PGM1: variants seen among roughly 807,000 people sequenced by gnomAD.
PGM1 encodes phosphoglucomutase-1.
A neutral mutation model predicts 55.6 loss-of-function variants in PGM1; 52 were observed. That is an observed-to-expected ratio of 0.94 (90% CI 0.75 to 1.18). The LOEUF is 1.18. Ranked by LOEUF, PGM1 falls within the 50% of genes most tolerant of loss-of-function variation. The pLI, the probability that PGM1 is intolerant of heterozygous loss-of-function variation, is 0.00. For missense variants in PGM1, 724 were observed against 729.3 expected (o/e 0.99, Z 0.08); for synonymous variants, 287 against 271.7 (o/e 1.06, Z -0.55).
chr1:63,626,179 A>G (rs1158266098), intron 1 of PGM1, among the ~76,000 whole-genome samples: 1 of 152,126 alleles, frequency 6.6e-6, no homozygotes, highest in South Asian at 2.1e-4. Context: ...TGAGGGGGTT[A>G]TCTCTAACTT....
chr1:63,593,452 A>T lies in PGM1; in HGVS notation c.-37A>T. On this transcript the variant is annotated 5_prime_UTR_variant, in exon 1 of 11. It adds an upstream start codon to the 5' untranslated region. Transcript: ENST00000371084. Reference sequence around the variant, plus strand: ...CAGCCGGCCGCCCCTCCGCCAGCCAAGTCCGCCGCTCTGACCCCCGGCAGC... The same window carrying T: ...CAGCCGGCCGCCCCTCCGCCAGCCATGTCCGCCGCTCTGACCCCCGGCAGC... The T allele has an allele frequency of 6.2e-7, 1 of 1,612,386 alleles. No individual in the cohort carries two copies. The highest frequency in any genetic ancestry group is 8.5e-7 in the Non-Finnish European group (1 of 1,179,544).
intron 1 of PGM1, among the ~76,000 whole-genome samples, chr1:63,609,708 G>A (rs1344849134): frequency 6.6e-6 from 1 of 152,124 alleles, no homozygotes; most frequent in Non-Finnish European, 1.5e-5. Context: ...TCCACCACGC[G>A]GTCCCGAGGG....
At chr1:63,638,496 A>G (rs1435810599) in intron 6 of PGM1, among the ~76,000 whole-genome samples, 189 bp from the exon 7 acceptor site, 1 of 135,792 alleles carries the variant, frequency 7.4e-6, no homozygotes, top group African/African-American at 2.5e-5. Flanking sequence ...GCCTTCTCTG[A>G]ATCCACATAT....
intron 1 of PGM1, among the ~76,000 whole-genome samples, chr1:63,624,792 G>A (rs569162622): frequency 5.9e-5 from 9 of 152,310 alleles, no homozygotes; most frequent in Admixed American, 2.6e-4. Flanking sequence ...TATGTTTGCA[G>A]AAGCAAAATT....
At chr1:63,608,945 A>G (rs1648495792) in intron 1 of PGM1, among the ~76,000 whole-genome samples, 1 of 152,232 alleles carries the variant, frequency 6.6e-6, no homozygotes, top group Non-Finnish European at 1.5e-5. Context: ...AGGGCCTGAC[A>G]TTGTAACTGG....
intron 7 of PGM1, among the ~76,000 whole-genome samples, chr1:63,647,182 G>A (rs944467919): frequency 3.7e-4 from 55 of 149,896 alleles, no homozygotes; most frequent in African/African-American, 1.3e-3. Flanking sequence ...GGCAGAGGTT[G>A]CAGTGAGCCA....
At chr1:63,640,457 C>T (rs1338320996) in intron 7 of PGM1, among the ~76,000 whole-genome samples, 3 of 152,114 alleles carry the variant, frequency 2.0e-5, no homozygotes, top group Non-Finnish European at 4.4e-5. Flanking sequence ...CATAAAGAAT[C>T]CTGTTAGTAC....
At chr1:63,641,981 G>A (rs886294740) in intron 7 of PGM1, among the ~76,000 whole-genome samples, 2 of 152,132 alleles carry the variant, frequency 1.3e-5, no homozygotes, top group African/African-American at 2.4e-5. Context: ...GAACCATAGT[G>A]ACTGGTCACT....
chr1:63,648,740 G>A (rs996076450), intron 8 of PGM1, 88 bp downstream of exon 8: 4 of 1,417,554 alleles, frequency 2.8e-6, no homozygotes, highest in South Asian at 2.3e-5. Context: ...CCTGTCTTAA[G>A]TGCTAATAAA....
At chr1:63,656,772 A>T (rs981462042) in intron 10 of PGM1, among the ~76,000 whole-genome samples, 2 of 152,176 alleles carry the variant, frequency 1.3e-5, no homozygotes, top group African/African-American at 4.8e-5. Flanking sequence ...TGTGGGATCT[A>T]AAAAAAGTGA....
chr1:63,652,759 G>A (rs1002182701), intron 9 of PGM1, among the ~76,000 whole-genome samples: 1 of 152,202 alleles, frequency 6.6e-6, no homozygotes, highest in Admixed American at 6.5e-5. Context: ...TTCCCTCTGG[G>A]GAGCAGGCAG....
intron 7 of PGM1, among the ~76,000 whole-genome samples, chr1:63,643,671 A>G (rs1649575636): frequency 6.6e-6 from 1 of 152,218 alleles, no homozygotes; most frequent in African/African-American, 2.4e-5. Context: ...CAGCCAGTCA[A>G]CTGGGGCCCG....
At chr1:63,612,470 A>G (rs1006826434) in intron 1 of PGM1, among the ~76,000 whole-genome samples, 2 of 152,174 alleles carry the variant, frequency 1.3e-5, no homozygotes, top group Non-Finnish European at 2.9e-5. Flanking sequence ...ATTTTGACAT[A>G]CAGTGTGGTT....
intron 1 of PGM1, among the ~76,000 whole-genome samples, chr1:63,627,781 A>G (rs1047835205): frequency 1.4e-4 from 21 of 152,258 alleles, no homozygotes; most frequent in Admixed American, 1.2e-3. Flanking sequence ...GTGTGTAAAT[A>G]CAACTCGACA....
chr1:63,624,044 C>T (rs1648958316), intron 1 of PGM1, among the ~76,000 whole-genome samples: 1 of 152,196 alleles, frequency 6.6e-6, no homozygotes, highest in East Asian at 1.9e-4. Flanking sequence ...AAAGCACACT[C>T]CCGGTCTTAA....
intron 1 of PGM1, chr1:63,594,191 C>G (rs1647967005): frequency 1.1e-6 from 1 of 917,706 alleles, no homozygotes; most frequent in African/African-American, 1.8e-5. Context: ...ATCCCGCCCG[C>G]TCCTCTGCTA....
chr1:63,630,674 G>A (rs1241493709), intron 3 of PGM1, among the ~76,000 whole-genome samples: 1 of 152,148 alleles, frequency 6.6e-6, no homozygotes, highest in East Asian at 1.9e-4. Flanking sequence ...CCCTACATAG[G>A]CAGCTGTGGC....
chr1:63,658,858 C>T (rs1269537619), intron 10 of PGM1, among the ~76,000 whole-genome samples: 1 of 152,060 alleles, frequency 6.6e-6, no homozygotes, highest in Non-Finnish European at 1.5e-5. Context: ...ATTGGACTTA[C>T]ACTTCACGTG....
At chr1:63,608,863 A>G (rs190136398) in intron 1 of PGM1, among the ~76,000 whole-genome samples, 40 of 152,356 alleles carry the variant, frequency 2.6e-4, no homozygotes, top group Admixed American at 1.3e-4. Flanking sequence ...GTGGTATTCG[A>G]AAGAGTAATC....
Sources: gnomAD v4.1 joint callset for allele counts (sites outside exome capture counted in the v4.1 genomes callset) on GRCh38, gnomAD v4.1.1 for gene constraint, MANE v1.5 for transcripts, NCBI Gene and HGNC (gene_info 2026-07-23, HGNC 2026-07-21) for gene names.